STK31: variants seen among roughly 807,000 people sequenced by gnomAD.
STK31 encodes the protein serine/threonine kinase 31.
STK31 carries 89 observed loss-of-function variants against 129.7 expected under a neutral mutation model. The ratio of observed to expected loss-of-function variants is 0.69; its 90% confidence interval spans 0.58 to 0.82. The LOEUF (loss-of-function observed/expected upper bound fraction) is 0.82. STK31 is among the 40% of genes least tolerant of loss of function. The pLI is 0.00. For missense variants in STK31, 1,187 were observed against 1,176.4 expected (o/e 1.01, Z -0.13); for synonymous variants, 448 against 395.3 (o/e 1.13, Z -1.58).
intron 10 of STK31, among the ~76,000 whole-genome samples, chr7:23,762,379 T>G (rs1359578571): frequency 3.3e-5 from 5 of 152,108 alleles, no homozygotes; most frequent in Non-Finnish European, 7.3e-5. Flanking sequence ...TTGGATATCT[T>G]TCACATATGT....
At chr7:23,769,605 A>G (rs1256006556) in intron 12 of STK31, 35 bp from the exon 13 acceptor site, 1 of 1,372,146 alleles carries the variant, frequency 7.3e-7, no homozygotes, top group East Asian at 2.3e-5. Context: ...ATTGAATTAA[A>G]TGAGATATTT....
In STK31 at chr7:23,832,332, A is replaced by C. The variant is rs33998018; in HGVS notation, c.3026A>C (p.Lys1009Thr). The C allele has an allele frequency of 2.7e-3, 4,288 of 1,612,602 alleles. 84 individuals are homozygous for C. The African/African-American group carries it at 0.05, about 19-fold the overall frequency. ...GAGAACTTGGATAAATGTATGGAGA[A>C]GACAAGAAATGGTGAAGCCAACTTT... ...KTENLDKCMEKTRNGEANFDC is the reference protein window; with the variant it reads ...KTENLDKCMETTRNGEANFDC The change falls in exon 24 of 24, where the codon AAG (lysine) becomes ACG (threonine). Residue 1009 changes from lysine to threonine, a missense_variant. Around this residue, in one of 5 missense-constraint regions of STK31, gnomAD observed 975 missense variants for 934.9 expected, o/e 1.04. Transcript: ENST00000355870.
intron 17 of STK31, among the ~76,000 whole-genome samples, chr7:23,784,476 T>C (rs1246235171): frequency 6.6e-6 from 1 of 152,190 alleles, no homozygotes; most frequent in Non-Finnish European, 1.5e-5. Flanking sequence ...TTATGCAGTG[T>C]GGGCAAATAA....
chr7:23,831,173 G>GT (rs1005355918), intron 23 of STK31, among the ~76,000 whole-genome samples: 4 of 152,248 alleles, frequency 2.6e-5, no homozygotes, highest in Non-Finnish European at 5.9e-5. Context: ...TGTAAAATCA[G>GT]TTTTTTTAAA....
intron 23 of STK31, among the ~76,000 whole-genome samples, chr7:23,831,841 G>C (rs948045450): frequency 6.6e-6 from 1 of 152,190 alleles, no homozygotes; most frequent in Non-Finnish European, 1.5e-5. Context: ...GGCCAGGCTA[G>C]TCTTGAACTC....
intron 23 of STK31, among the ~76,000 whole-genome samples, chr7:23,822,916 G>A (rs1793880812): frequency 6.6e-6 from 1 of 152,170 alleles, no homozygotes; most frequent in Non-Finnish European, 1.5e-5. Context: ...TCCCTACAAA[G>A]GACATGAACT....
intron 8 of STK31, among the ~76,000 whole-genome samples, chr7:23,741,367 G>A (rs77586594): frequency 6.6e-6 from 1 of 152,252 alleles, no homozygotes; most frequent in Non-Finnish European, 1.5e-5. Context: ...CTAATTGATA[G>A]GGTTAGGAAA....
chr7:23,800,693 C>T (rs1206097504), intron 22 of STK31, among the ~76,000 whole-genome samples: 3 of 151,922 alleles, frequency 2.0e-5, no homozygotes, highest in African/African-American at 7.3e-5. Flanking sequence ...CACATGTATA[C>T]CTATGTAGCA....
intron 15 of STK31, among the ~76,000 whole-genome samples, chr7:23,773,778 T>G (rs11981711): frequency 1.1e-4 from 17 of 148,130 alleles, no homozygotes; most frequent in African/African-American, 3.5e-4. Context: ...GCCTATGTTG[T>G]TTTTTTTTTC....
intron 15 of STK31, among the ~76,000 whole-genome samples, chr7:23,780,955 C>G (rs751422942): frequency 6.6e-6 from 1 of 152,184 alleles, no homozygotes; most frequent in African/African-American, 2.4e-5. Flanking sequence ...TTTCCTTTCA[C>G]AAAAGCATAC....
At chr7:23,725,095 A>G (rs182514237) in intron 4 of STK31, among the ~76,000 whole-genome samples, 1 of 152,316 alleles carries the variant, frequency 6.6e-6, no homozygotes, top group East Asian at 1.9e-4. Flanking sequence ...TTAATACTAC[A>G]GATATACAGT....
intron 22 of STK31, among the ~76,000 whole-genome samples, chr7:23,799,374 T>G (rs868246441): frequency 1.3e-5 from 2 of 152,158 alleles, no homozygotes; most frequent in Non-Finnish European, 2.9e-5. Context: ...AATAGCATGG[T>G]ACCGGTACCA....
intron 15 of STK31, among the ~76,000 whole-genome samples, chr7:23,781,116 C>T (rs553747156): frequency 8.5e-5 from 13 of 152,262 alleles, no homozygotes; most frequent in African/African-American, 2.6e-4. Context: ...TTCTTTTGTT[C>T]GAATGGCAGT....
At chr7:23,740,490 C>CT (rs983930475) in intron 8 of STK31, among the ~76,000 whole-genome samples, 4 of 152,042 alleles carry the variant, frequency 2.6e-5, no homozygotes, top group Middle Eastern at 3.4e-3. Flanking sequence ...TGCTGTATTT[C>CT]TTTTTTTTGT....
chr7:23,824,592 CT>C (rs1365930313), intron 23 of STK31, among the ~76,000 whole-genome samples: 1 of 152,122 alleles, frequency 6.6e-6, no homozygotes, highest in Non-Finnish European at 1.5e-5. Flanking sequence ...CCCTTTCTTC[CT>C]TCTCCTGCCT....
chr7:23,791,816 A>G lies in STK31; in HGVS notation c.2760+870A>G, dbSNP rs116855807. ...TAAGAGAAGGAAGACTATTCTTATC[A>G]GCCCAGGGGCCAGCAAGCATTTTCT... On this transcript the variant is annotated intron_variant, in intron 22 of 23. Coordinates refer to ENST00000355870, the MANE Select transcript of STK31 (RefSeq NM_031414.5). Among the ~76,000 whole-genome samples the G allele has an allele frequency of 1.6e-4, 25 of 152,324 alleles. No individual in the cohort carries two copies. The East Asian group carries it at 4.2e-3, about 26-fold the overall frequency.
At chr7:23,776,907 T>G (rs1188562759) in intron 15 of STK31, among the ~76,000 whole-genome samples, 1 of 152,220 alleles carries the variant, frequency 6.6e-6, no homozygotes, top group African/African-American at 2.4e-5. Flanking sequence ...CTTCTAATTG[T>G]GATGTTAGGG....
intron 8 of STK31, among the ~76,000 whole-genome samples, chr7:23,752,167 A>G (rs946930505): frequency 5.3e-5 from 8 of 152,168 alleles, no homozygotes; most frequent in African/African-American, 1.9e-4. Context: ...AAAAAAAGAC[A>G]TAGCACCAAA....
At chr7:23,768,055 C>T (rs543858425) in intron 11 of STK31, among the ~76,000 whole-genome samples, 16 of 151,828 alleles carry the variant, frequency 1.1e-4, no homozygotes, top group African/African-American at 7.2e-5. Context: ...GCACCTGCCC[C>T]GACAAACCCA....
Sources: allele counts gnomAD v4.1 joint callset (sites outside exome capture counted in the v4.1 genomes callset), GRCh38; gene constraint gnomAD v4.1.1; regional missense constraint gnomAD v4.1.1; transcripts MANE v1.5; gene names NCBI Gene and HGNC (gene_info 2026-07-23, HGNC 2026-07-21).